MTHFD1L: variants seen among roughly 807,000 people sequenced by gnomAD.
The protein encoded by MTHFD1L is methylenetetrahydrofolate dehydrogenase (NADP+ dependent) 1 like, also known as monofunctional C1-tetrahydrofolate synthase, mitochondrial.
Under a neutral mutation model 119.5 loss-of-function variants are expected in MTHFD1L, and 81 were observed. That is an observed-to-expected ratio of 0.68 (90% CI 0.57 to 0.82). The LOEUF is 0.82. Among genes scored for constraint, MTHFD1L ranks in the 40% least tolerant of loss-of-function variants. MTHFD1L has a pLI of 0.00. For synonymous variants in MTHFD1L, 430 were observed against 475.2 expected (o/e 0.90, Z 1.24); for missense variants, 1,125 against 1,253.4 (o/e 0.90, Z 1.55).
At chr6:151,067,530 G>A (rs1443791243) in intron 26 of MTHFD1L, among the ~76,000 whole-genome samples, 3 of 152,236 alleles carry the variant, frequency 2.0e-5, no homozygotes, top group Admixed American at 1.3e-4. Context: ...CACCACGTTG[G>A]CCAGGCTGGT....
At chr6:150,892,100 TATCCAAGAA>T (rs1318531458) in intron 7 of MTHFD1L, among the ~76,000 whole-genome samples, 1 of 152,166 alleles carries the variant, frequency 6.6e-6, no homozygotes, top group Non-Finnish European at 1.5e-5. Flanking sequence ...GGTGGCAGCC[TATCCAAGAA>T]AATTCAAGGG....
chr6:150,944,946 G>A (rs976965126), intron 14 of MTHFD1L, among the ~76,000 whole-genome samples: 1 of 152,160 alleles, frequency 6.6e-6, no homozygotes, highest in Admixed American at 6.5e-5. Flanking sequence ...GACAGATGTC[G>A]TTTTAAGACT....
chr6:151,071,837 ATTTTTTTTTTT>A (rs753092094), intron 26 of MTHFD1L, among the ~76,000 whole-genome samples: 1 of 107,510 alleles, frequency 9.3e-6, no homozygotes, highest in African/African-American at 3.6e-5. Context: ...GTAAGTACAG[ATTTTTTTTTTT>A]TTTTTTTTTT....
At chr6:151,094,996 T>C (rs912947112) in intron 27 of MTHFD1L, among the ~76,000 whole-genome samples, 1 of 152,220 alleles carries the variant, frequency 6.6e-6, no homozygotes, top group African/African-American at 2.4e-5. Flanking sequence ...GTGAGAAAGA[T>C]AAGGGAACCA....
intron 20 of MTHFD1L, among the ~76,000 whole-genome samples, chr6:151,009,122 CAAAA>C (rs59189384): frequency 7.0e-4 from 68 of 96,856 alleles, no homozygotes; most frequent in East Asian, 1.1e-3. Context: ...AACTCCATCT[CAAAA>C]AAAAAAAAAA....
At chr6:150,871,780 G>A (rs1779568375) in intron 1 of MTHFD1L, among the ~76,000 whole-genome samples, 2 of 151,354 alleles carry the variant, frequency 1.3e-5, no homozygotes, top group Non-Finnish European at 2.9e-5. Flanking sequence ...GGGATTACAG[G>A]TGTGAGCCAC....
intron 26 of MTHFD1L, among the ~76,000 whole-genome samples, chr6:151,066,544 T>A (rs1791292589): frequency 6.7e-6 from 1 of 149,990 alleles, no homozygotes; most frequent in Admixed American, 6.7e-5. Context: ...GGCGGGTGGA[T>A]CACGAGGTCA....
intron 1 of MTHFD1L, among the ~76,000 whole-genome samples, chr6:150,868,255 C>T (rs943344477): frequency 2.6e-5 from 4 of 151,746 alleles, no homozygotes; most frequent in African/African-American, 4.8e-5. Flanking sequence ...GTTATGGAAA[C>T]AATTATGTGA....
intron 1 of MTHFD1L, among the ~76,000 whole-genome samples, chr6:150,868,897 G>T (rs1198337116): frequency 6.6e-6 from 1 of 151,944 alleles, no homozygotes; most frequent in Non-Finnish European, 1.5e-5. Flanking sequence ...ACCCATCTCT[G>T]TAAAAAATTT....
At chr6:151,003,348 A>C (rs1418971586) in intron 20 of MTHFD1L, among the ~76,000 whole-genome samples, 1 of 152,170 alleles carries the variant, frequency 6.6e-6, no homozygotes, top group African/African-American at 2.4e-5. Flanking sequence ...CCCGACCAAC[A>C]TGGTGAAACC....
At position 151,039,727 on chromosome 6, in the gene MTHFD1L, C is replaced by T. The variant is rs185500484; in HGVS notation, c.2847+2610C>T. ...GTCAGGAGTTCGAGACCTGCCTGGCCAAAATGGTGAAACCCCATCACTACT... is the reference window on the plus strand; with the variant it reads ...GTCAGGAGTTCGAGACCTGCCTGGCTAAAATGGTGAAACCCCATCACTACT... On this transcript the variant is annotated intron_variant, in intron 26 of 27. Coordinates refer to ENST00000367321, the MANE Select transcript of MTHFD1L (RefSeq NM_015440.5). This position sits in a 1 kb window ranked among gnomAD's most constrained non-coding sequence, Gnocchi z 4.4. Among the ~76,000 whole-genome samples, 74 of 152,164 alleles carry T rather than the reference C, an allele frequency of 4.9e-4. No homozygotes were observed. Among genetic ancestry groups the T allele is most frequent in the Non-Finnish European group, 8.8e-4 (60 of 67,998 alleles).
chr6:151,069,243 C>CTCTTTCTT, intron 26 of MTHFD1L, among the ~76,000 whole-genome samples: 1 of 116,924 alleles, frequency 8.6e-6, no homozygotes. Flanking sequence ...AAACTATCTT[C>CTCTTTCTT]TCTCTCTTTC....
chr6:151,017,830 CTT>C (rs895364993), intron 24 of MTHFD1L, among the ~76,000 whole-genome samples: 3 of 98,982 alleles, frequency 3.0e-5, no homozygotes, highest in Admixed American at 1.1e-4. Flanking sequence ...ACCGTGTTTT[CTT>C]TTTTTTTTTT....
chr6:151,031,728 G>T (rs1224718463), intron 24 of MTHFD1L, among the ~76,000 whole-genome samples: 1 of 151,990 alleles, frequency 6.6e-6, no homozygotes, highest in Non-Finnish European at 1.5e-5. Context: ...TTCCTTTATG[G>T]GTTATTCTAT....
At chr6:151,047,129 A>T (rs183064907) in intron 26 of MTHFD1L, among the ~76,000 whole-genome samples, 1 of 152,332 alleles carries the variant, frequency 6.6e-6, no homozygotes, top group Admixed American at 6.5e-5. Context: ...ACTTTAAGCA[A>T]AAAGACATGA....
At chr6:151,001,884 T>C (rs540249071) in intron 20 of MTHFD1L, among the ~76,000 whole-genome samples, 2 of 152,262 alleles carry the variant, frequency 1.3e-5, no homozygotes, top group African/African-American at 4.8e-5. Context: ...TTATAATCTC[T>C]AAATGAATTG....
At position 150,876,120 on chromosome 6, in the gene MTHFD1L, A is replaced by G. The variant is rs747200664; in HGVS notation, c.258A>G (p.Leu86=). The G allele has an allele frequency of 6.2e-7, 1 of 1,607,760 alleles. No individual in the cohort carries two copies. ...TCATTCAGAATTCAAAAGAAGTTCT[A>G]AGTTTATTGCAAGAAAAAAACCCTG... ...REVIQNSKEV[L]SLLQEKNPAF... The change falls in exon 2 of 28, where the codon CTA becomes CTG. Residue 86 remains leucine, a synonymous_variant. Coordinates refer to ENST00000367321, the MANE Select transcript of MTHFD1L (RefSeq NM_015440.5).
intron 15 of MTHFD1L, 36 bp from the exon 16 acceptor site, chr6:150,948,995 C>G: frequency 6.4e-7 from 1 of 1,550,536 alleles, no homozygotes; most frequent in Non-Finnish European, 8.9e-7. Context: ...TCTGTTTCTT[C>G]TCAAACTTCT....
chr6:150,956,208 G>A (rs181224976), intron 17 of MTHFD1L, 137 bp downstream of exon 17: 4 of 775,832 alleles, frequency 5.2e-6, no homozygotes, highest in Admixed American at 4.4e-5. Flanking sequence ...TGGGTGCTCA[G>A]CAGGGCTGGG....
Sources: gnomAD v4.1 joint callset for allele counts (sites outside exome capture counted in the v4.1 genomes callset) on GRCh38, gnomAD v4.1.1 for gene constraint, Gnocchi (gnomAD v3.1) non-coding constraint, MANE v1.5 for transcripts, NCBI Gene and HGNC (gene_info 2026-07-23, HGNC 2026-07-21) for gene names.